TEF: variants seen among roughly 807,000 people sequenced by gnomAD.
TEF encodes the protein thyrotroph embryonic factor.
TEF carries 3 observed loss-of-function variants against 20.8 expected under a neutral mutation model. The ratio of observed to expected loss-of-function variants is 0.14; its 90% CI spans 0.07 to 0.37. The LOEUF is 0.37. Ranked by LOEUF, TEF falls within the 10% of genes least tolerant of loss-of-function variation. The probability of loss-of-function intolerance (pLI) is 1.00; values close to 1 mark genes in which losing one functional copy is unlikely to be tolerated. For synonymous variants in TEF, 180 were observed against 171.1 expected (o/e 1.05, Z -0.41); for missense variants, 296 against 397.9 (o/e 0.74, Z 2.18).
intron 2 of TEF, among the ~76,000 whole-genome samples, chr22:41,393,417 A>G (rs1246710516): frequency 6.6e-6 from 1 of 151,478 alleles, no homozygotes; most frequent in Non-Finnish European, 1.5e-5. Context: ...GCTGTTTCTC[A>G]TTACTGGAGA....
chr22:41,377,433 G>A (rs1334850187), upstream of TEF: 4 of 151,918 alleles, frequency 2.6e-5, no homozygotes, highest in South Asian at 2.1e-4. Context: ...AGTCTTAATC[G>A]TGTAATAACA....
chr22:41,384,429 G>C (rs2037071456), intron 1 of TEF, among the ~76,000 whole-genome samples: 1 of 152,112 alleles, frequency 6.6e-6, no homozygotes, highest in Non-Finnish European at 1.5e-5. Context: ...TTGAATAGGA[G>C]CAGTCTTTCT....
At chr22:41,384,749 A>G (rs2037075640) in intron 1 of TEF, among the ~76,000 whole-genome samples, 1 of 152,104 alleles carries the variant, frequency 6.6e-6, no homozygotes. Flanking sequence ...GAACACTGTA[A>G]AGACACTTTT....
intron 1 of TEF, among the ~76,000 whole-genome samples, chr22:41,368,645 A>C (rs1313347799): frequency 2.6e-5 from 4 of 152,112 alleles, no homozygotes; most frequent in Non-Finnish European, 5.9e-5. Flanking sequence ...AGCCCCAGGG[A>C]GACATTGCCC....
At chr22:41,383,098 C>T in intron 1 of TEF, 1 of 462,760 alleles carries the variant, frequency 2.2e-6, no homozygotes. Context: ...GAGACCTTTG[C>T]ATTTCCAAGA....
At chr22:41,380,611 A>C (rs41281287), upstream of TEF, among the ~76,000 whole-genome samples, 1 of 152,316 alleles carries the variant, frequency 6.6e-6, no homozygotes, top group Non-Finnish European at 1.5e-5. Flanking sequence ...TGGATAAACA[A>C]GCCAAGCTCT....
chr22:41,381,674 G>A (rs2037025109), upstream of TEF, among the ~76,000 whole-genome samples: 1 of 152,060 alleles, frequency 6.6e-6, no homozygotes, highest in Non-Finnish European at 1.5e-5. Flanking sequence ...CCACCACAAA[G>A]ACTCCAGCAG....
intron 1 of TEF, among the ~76,000 whole-genome samples, chr22:41,375,535 G>C (rs1040607721): frequency 2.6e-5 from 4 of 152,146 alleles, no homozygotes; most frequent in Admixed American, 2.6e-4. Flanking sequence ...CGGATCGCGA[G>C]GTCAGGAGAT....
At chr22:41,380,172 C>T (rs1377871183), upstream of TEF, among the ~76,000 whole-genome samples, 4 of 152,050 alleles carry the variant, frequency 2.6e-5, no homozygotes, top group East Asian at 5.8e-4. Context: ...ATTTTTTTGA[C>T]ATGGAGTCTC....
rs961032670 is a variant in TEF, at chr22:41,396,934, C to T, written c.*974C>T. On this transcript the variant is annotated 3_prime_UTR_variant, in exon 4 of 4. Transcript: ENST00000266304. ...GTTTAGAAAATGCCTCCACAGCCCCCTTCCACCATGGGCATGAGAGCTGGG... is the reference window on the plus strand; with the variant it reads ...GTTTAGAAAATGCCTCCACAGCCCCTTTCCACCATGGGCATGAGAGCTGGG... 1.3e-5 allele frequency: 5 copies of T among 398,562 alleles called. No homozygotes were observed. Among genetic ancestry groups the T allele is most frequent in the African/African-American group, 1.0e-4 (5 of 48,620 alleles). The allele number at this position is 398,562 out of a possible 1,614,324, so 24.7% of individuals were successfully genotyped here. A position where few individuals can be genotyped will look rare whatever the true frequency, so the allele number is the denominator to read the frequency against.
chr22:41,376,724 A>C (rs1210803880), intron 1 of TEF, among the ~76,000 whole-genome samples: 4 of 152,090 alleles, frequency 2.6e-5, no homozygotes, highest in Admixed American at 6.6e-5. Context: ...ACACAGCTTG[A>C]ACGGAAGGGG....
chr22:41,391,867 C>G (rs769002054), intron 2 of TEF, among the ~76,000 whole-genome samples: 1 of 152,194 alleles, frequency 6.6e-6, no homozygotes, highest in Non-Finnish European at 1.5e-5. Context: ...GTGATCCACA[C>G]GCCTCGGCCT....
In TEF at chr22:41,397,122, T is replaced by G. The variant is rs896188057; in HGVS notation, c.*1162T>G. 7.5e-5 allele frequency: 30 copies of G among 398,570 alleles called. No individual in the cohort carries two copies. Among genetic ancestry groups the G allele is most frequent in the South Asian group, 1.3e-4 (1 of 7,856 alleles). The allele number at this position is 398,570 out of a possible 1,614,324, so 24.7% of individuals were successfully genotyped here. ...TGTCAGCAGGGCAAGACACCTAGTC[T>G]AGAGTCACCAAGGTCACAGTGCCAC... On this transcript the variant is annotated 3_prime_UTR_variant, in exon 4 of 4. Coordinates refer to ENST00000266304, the MANE Select transcript of TEF (RefSeq NM_003216.4).
At chr22:41,387,309 ACT>A in intron 1 of TEF, 40 bp from the exon 2 acceptor site, 1 of 1,603,488 alleles carries the variant, frequency 6.2e-7, no homozygotes, top group Non-Finnish European at 8.5e-7. Context: ...GGATTGAGTT[ACT>A]CTCCTGTGTG....
rs2037209639 is a variant in TEF, at chr22:41,394,973, G to T, written c.696+657G>T. Among the ~76,000 whole-genome samples, 4 of 152,162 alleles carry T rather than the reference G, an allele frequency of 2.6e-5. No individual in the cohort carries two copies. The South Asian group carries it at 8.3e-4, about 32-fold the overall frequency. On this transcript the variant is annotated intron_variant, in intron 3 of 3. Coordinates refer to ENST00000266304, the MANE Select transcript of TEF (RefSeq NM_003216.4). ...GGTGAATATTTAGATGGTACTCACT[G>T]TAGGCCAGGCACTGATTTTTGTTTT... is the stretch of plus-strand genomic sequence containing the variant.
At position 41,394,209 on chromosome 22, in the gene TEF, G is replaced by C; in HGVS notation, c.589G>C (p.Gly197Arg). The C allele has an allele frequency of 6.2e-7, 1 of 1,614,198 alleles. No homozygotes were observed. Among genetic ancestry groups the C allele is most frequent in the Non-Finnish European group, 8.5e-7 (1 of 1,180,044 alleles). Residue 197 changes from glycine to arginine, a missense_variant, in exon 3 of 4, where the codon GGC becomes CGC. Gly to Arg is a moderately radical substitution (Grantham distance 125). Around this residue, in one of 2 missense-constraint regions of TEF, gnomAD observed 194 missense variants for 317.8 expected, o/e 0.61. Transcript: ENST00000266304. Reference protein sequence around the residue: ...PADLVLSSVPGGELFNPRKHK... With the variant: ...PADLVLSSVPRGELFNPRKHK... ...CGACCTGGTGCTCTCCAGTGTGCCA[G>C]GCGGGGAGCTCTTCAACCCTCGGAA...
At chr22:41,381,164 A>G (rs2037012875), upstream of TEF, among the ~76,000 whole-genome samples, 1 of 152,212 alleles carries the variant, frequency 6.6e-6, no homozygotes, top group Non-Finnish European at 1.5e-5. Context: ...CATCCCTACG[A>G]CTTGGCAGGT....
chr22:41,397,091 G>T lies in TEF; in HGVS notation c.*1131G>T. The T allele has an allele frequency of 2.5e-6, 1 of 398,718 alleles. No homozygotes were observed. The highest frequency in any genetic ancestry group is 4.4e-6 in the Non-Finnish European group (1 of 226,174). The allele number at this position is 398,718 out of a possible 1,614,324, so 24.7% of individuals were successfully genotyped here. A position where few individuals can be genotyped will look rare whatever the true frequency, so the allele number is the denominator to read the frequency against. On this transcript the variant is annotated 3_prime_UTR_variant, in exon 4 of 4. Transcript: ENST00000266304. ...AGGATCTCTCCCATGCGAGCTGCCCGGAGGGTGTCAGCAGGGCAAGACACC... is the reference window on the plus strand; with the variant it reads ...AGGATCTCTCCCATGCGAGCTGCCCTGAGGGTGTCAGCAGGGCAAGACACC...
At chr22:41,381,921 G>A (rs1170682360), upstream of TEF, 2 of 1,226,434 alleles carry the variant, frequency 1.6e-6, no homozygotes, top group Non-Finnish European at 2.0e-6. Context: ...GAAGGAGGCG[G>A]GGGCGCCATT....
Sources: gnomAD v4.1 joint callset for allele counts (sites outside exome capture counted in the v4.1 genomes callset) on GRCh38, gnomAD v4.1.1 for gene constraint, gnomAD v4.1.1 regional missense constraint, MANE v1.5 for transcripts, NCBI Gene and HGNC (gene_info 2026-07-23, HGNC 2026-07-21) for gene names.